ROPN1B: variants seen among roughly 807,000 people sequenced by gnomAD.
ROPN1B encodes the protein rhophilin associated tail protein 1B.
ROPN1B carries 13 observed loss-of-function variants against 23.7 expected under a neutral mutation model. The ratio of observed to expected loss-of-function variants is 0.55; its 90% confidence interval spans 0.36 to 0.87. The LOEUF (loss-of-function observed/expected upper bound fraction) is 0.87, where lower values mean the gene tolerates loss of function less well. Ranked by LOEUF, ROPN1B falls within the 40% of genes least tolerant of loss-of-function variation. The probability of loss-of-function intolerance (pLI) is 0.01; values close to 1 mark genes in which losing one functional copy is unlikely to be tolerated. For synonymous variants in ROPN1B, 67 were observed against 100.4 expected, an observed-to-expected ratio of 0.67 and a Z score of 1.99; for missense variants, 183 against 249.2, an observed-to-expected ratio of 0.73 and a Z score of 1.79.
At chr3:125,981,018 T>C (rs1938594536) in intron 5 of ROPN1B, among the ~76,000 whole-genome samples, 1 of 151,138 alleles carries the variant, frequency 6.6e-6, no homozygotes, top group Admixed American at 6.6e-5. Context: ...GAAGGTGGCC[T>C]GCCTCAAACT....
At chr3:125,979,026 T>A (rs1938519352) in intron 5 of ROPN1B, among the ~76,000 whole-genome samples, 1 of 152,200 alleles carries the variant, frequency 6.6e-6, no homozygotes, top group Non-Finnish European at 1.5e-5. Context: ...TGGGATTCAA[T>A]GTTCCATGAG....
At chr3:125,981,932 A>G (rs1216461693) in intron 5 of ROPN1B, among the ~76,000 whole-genome samples, 2 of 152,222 alleles carry the variant, frequency 1.3e-5, no homozygotes, top group African/African-American at 4.8e-5. Context: ...GTAATAAGAA[A>G]TAATTCTAAT....
chr3:125,981,196 G>C (rs540756177), intron 5 of ROPN1B, among the ~76,000 whole-genome samples: 1 of 152,160 alleles, frequency 6.6e-6, no homozygotes, highest in African/African-American at 2.4e-5. Flanking sequence ...ACTCAAGGAA[G>C]AGTTTATTCA....
chr3:125,979,828 G>A (rs139403925), intron 5 of ROPN1B, among the ~76,000 whole-genome samples: 108 of 152,252 alleles, frequency 7.1e-4, no homozygotes, highest in Non-Finnish European at 7.9e-4. Context: ...TTTTTACTCC[G>A]GTAGGTAATA....
chr3:125,973,750 A>G (rs1027659542), intron 3 of ROPN1B: 21 of 152,698 alleles, frequency 1.4e-4, no homozygotes, highest in African/African-American at 5.1e-4. Flanking sequence ...AGCCCCCTCC[A>G]TTCTATCCAG....
In ROPN1B at chr3:125,982,393, G is replaced by A. The variant is rs1182340164; in HGVS notation, c.520G>A (p.Glu174Lys). ...LYTYIAEVDGEICASHVSRML... is the reference protein window; with the variant it reads ...LYTYIAEVDGKICASHVSRML... The stretch of plus-strand genomic sequence containing the variant: ...CACGTATATTGCCGAAGTGGATGGG[G>A]AGATCTGTGCATCACATGTCAGCAG... The change falls in exon 6 of 7, where the codon GAG becomes AAG. Residue 174 changes from glutamate to lysine, a missense_variant. Glu to Lys is a moderately conservative substitution (Grantham distance 56). Transcript: ENST00000514116. 1 of 1,613,090 alleles carries A rather than the reference G, an allele frequency of 6.2e-7. No homozygotes were observed. The highest frequency in any genetic ancestry group is 1.3e-5 in the African/African-American group (1 of 74,852).
At chr3:125,974,878 CCAACCCT>C (rs1938348322) in intron 3 of ROPN1B, among the ~76,000 whole-genome samples, 1 of 152,200 alleles carries the variant, frequency 6.6e-6, no homozygotes, top group Non-Finnish European at 1.5e-5. Context: ...CAGTGCCCTG[CCAACCCT>C]CTCTCCCTTC....
intron 3 of ROPN1B, among the ~76,000 whole-genome samples, chr3:125,974,875 C>G (rs1938348192): frequency 6.6e-6 from 1 of 152,224 alleles, no homozygotes; most frequent in Non-Finnish European, 1.5e-5. Flanking sequence ...GCACAGTGCC[C>G]TGCCAACCCT....
intron 5 of ROPN1B, among the ~76,000 whole-genome samples, chr3:125,978,648 G>C (rs1938507476): frequency 6.6e-6 from 1 of 152,200 alleles, no homozygotes; most frequent in African/African-American, 2.4e-5. Context: ...CTAGCTGCTT[G>C]CAGCTTAAGT....
At chr3:125,975,861 G>T (rs908973277) in intron 4 of ROPN1B, among the ~76,000 whole-genome samples, 181 bp downstream of exon 4, 3 of 152,220 alleles carry the variant, frequency 2.0e-5, no homozygotes, top group Non-Finnish European at 2.9e-5. Flanking sequence ...TTTTGAAATA[G>T]GCTGCAGGCT....
chr3:125,973,177 G>T (rs1001387901), intron 3 of ROPN1B: 13 of 347,916 alleles, frequency 3.7e-5, no homozygotes, highest in Middle Eastern at 1.0e-3. Context: ...GTGAGTTGGG[G>T]AAGGGAAGAT....
At chr3:125,980,464 T>C (rs1238006073) in intron 5 of ROPN1B, among the ~76,000 whole-genome samples, 1 of 152,180 alleles carries the variant, frequency 6.6e-6, no homozygotes, top group Non-Finnish European at 1.5e-5. Flanking sequence ...TTCTGAGACG[T>C]TTCTCCTTGG....
Position 125,972,393 on chromosome 3 carries a change from G to A in ROPN1B, c.116+223G>A, listed in dbSNP as rs1192439910. The A allele has an allele frequency of 5.1e-6, 3 of 584,128 alleles. No individual in the cohort carries two copies. In the East Asian group the frequency reaches 8.3e-5, roughly 16 times the overall value. The allele number at this position is 584,128 out of a possible 1,614,324, so 36.2% of individuals were successfully genotyped here. A position where few individuals can be genotyped will look rare whatever the true frequency, so the allele number is the denominator to read the frequency against. On this transcript the variant is annotated intron_variant, in intron 3 of 6. Transcript: ENST00000514116. ...TCCCCTAAGCGAGCCAGATTGAGCA[G>A]TAGGACGCCAGGTCAATAGGCCGTG...
chr3:125,975,799 T>C (rs1228130773), intron 4 of ROPN1B, 119 bp downstream of exon 4: 2 of 816,216 alleles, frequency 2.5e-6, no homozygotes, highest in African/African-American at 3.4e-5. Context: ...CACCCTAAAA[T>C]ACACTAAACC....
At chr3:125,970,642 A>AAATC (rs1319578024) in intron 1 of ROPN1B, among the ~76,000 whole-genome samples, 4 of 152,122 alleles carry the variant, frequency 2.6e-5, no homozygotes, top group African/African-American at 9.7e-5. Context: ...AATAAATACT[A>AAATC]AAAAAATTTT....
intron 2 of ROPN1B, among the ~76,000 whole-genome samples, chr3:125,971,572 A>C (rs373495800): frequency 9.6e-4 from 146 of 152,338 alleles, no homozygotes; most frequent in African/African-American, 3.2e-3. Context: ...TATGGAAATA[A>C]CCTAATGTTA....
chr3:125,971,926 T>C, intron 2 of ROPN1B, 117 bp from the exon 3 acceptor site: 1 of 836,120 alleles, frequency 1.2e-6, no homozygotes, highest in South Asian at 2.0e-5. Flanking sequence ...AATGCATTTG[T>C]CTTGCGGAGT....
intron 6 of ROPN1B, 50 bp downstream of exon 6, chr3:125,982,495 T>C: frequency 6.7e-6 from 10 of 1,494,512 alleles, no homozygotes; most frequent in Non-Finnish European, 9.1e-6. Context: ...GGAAAACAAA[T>C]CTATGGGGCC....
At chr3:125,971,982 G>A (rs1938223155) in intron 2 of ROPN1B, 61 bp from the exon 3 acceptor site, 1 of 1,515,086 alleles carries the variant, frequency 6.6e-7, no homozygotes, top group Non-Finnish European at 9.0e-7. Flanking sequence ...CTCCTGTCCA[G>A]GATTGCTCTC....
Sources: gnomAD v4.1 joint callset for allele counts (sites outside exome capture counted in the v4.1 genomes callset) on GRCh38, gnomAD v4.1.1 for gene constraint, MANE v1.5 for transcripts, NCBI Gene and HGNC (gene_info 2026-07-23, HGNC 2026-07-21) for gene names.